PTPRN2: variants seen among roughly 807,000 people sequenced by gnomAD.
PTPRN2 encodes protein tyrosine phosphatase receptor type N2.
A neutral mutation model predicts 118.8 loss-of-function variants in PTPRN2; 74 were observed. That is an observed-to-expected ratio of 0.62 (90% confidence interval 0.52 to 0.76). The LOEUF (loss-of-function observed/expected upper bound fraction) is 0.76. Among genes scored for constraint, PTPRN2 ranks in the 30% least tolerant of loss-of-function variants. The pLI is 0.00. For missense variants in PTPRN2, 1,481 were observed against 1,394.4 expected, an observed-to-expected ratio of 1.06 and a Z score of -0.99; for synonymous variants, 641 against 608.0, an observed-to-expected ratio of 1.05 and a Z score of -0.80.
intron 2 of PTPRN2, among the ~76,000 whole-genome samples, chr7:158,455,727 A>T (rs1162848292): frequency 6.8e-6 from 1 of 146,860 alleles, no homozygotes; most frequent in South Asian, 2.3e-4. Flanking sequence ...GCCATCGGCC[A>T]TGGCCACCCA....
intron 12 of PTPRN2, among the ~76,000 whole-genome samples, chr7:157,872,376 C>A (rs1811148041): frequency 7.2e-6 from 1 of 138,356 alleles, no homozygotes; most frequent in Non-Finnish European, 1.6e-5. Flanking sequence ...CCTCCCCCCA[C>A]ACACATACCC....
intron 2 of PTPRN2, among the ~76,000 whole-genome samples, chr7:158,359,679 A>G (rs1177782577): frequency 6.6e-6 from 1 of 152,238 alleles, no homozygotes; most frequent in African/African-American, 2.4e-5. Flanking sequence ...ACCCAGCCTC[A>G]GCACAGTAGC....
chr7:157,566,536 C>T (rs1799492622), intron 21 of PTPRN2, among the ~76,000 whole-genome samples: 1 of 152,222 alleles, frequency 6.6e-6, no homozygotes, highest in Admixed American at 6.5e-5. Flanking sequence ...GGGAATTTCA[C>T]ACCGCACACA....
chr7:157,762,900 C>T (rs188262600), intron 12 of PTPRN2, among the ~76,000 whole-genome samples: 21 of 152,366 alleles, frequency 1.4e-4, no homozygotes, highest in African/African-American at 5.0e-4. Flanking sequence ...CACAATCCAG[C>T]CCCGCCCCTG....
intron 21 of PTPRN2, among the ~76,000 whole-genome samples, chr7:157,567,658 T>C (rs1799555004): frequency 6.6e-6 from 1 of 151,990 alleles, no homozygotes; most frequent in Non-Finnish European, 1.5e-5. Context: ...ACTGGGCCAG[T>C]GATGGAGAAT....
At chr7:158,262,792 C>T (rs576163686) in intron 3 of PTPRN2, among the ~76,000 whole-genome samples, 216 of 149,974 alleles carry the variant, frequency 1.4e-3, no homozygotes, top group African/African-American at 4.9e-3. Flanking sequence ...TACACACATA[C>T]ACATTCACAC....
rs1396013208 is a variant in PTPRN2, at chr7:157,764,050, C to T, written c.1789-81113G>A. ...GAGGCTAGGAGAGGCCATGCACGCA[C>T]CCTCTAGGATGGCCGTAACTAAACA... On this transcript the variant is annotated intron_variant, in intron 12 of 22. Coordinates refer to ENST00000389418, the MANE Select transcript of PTPRN2 (RefSeq NM_002847.5). This position sits in a 1 kb window ranked among gnomAD's most constrained non-coding sequence, Gnocchi z 4.5. Among the ~76,000 whole-genome samples, 4 of 152,174 alleles carry T rather than the reference C, an allele frequency of 2.6e-5. No individual in the cohort carries two copies. Among genetic ancestry groups the T allele is most frequent in the Non-Finnish European group, 5.9e-5 (4 of 68,032 alleles).
intron 14 of PTPRN2, among the ~76,000 whole-genome samples, chr7:157,645,769 C>T (rs902494940): frequency 6.6e-6 from 1 of 152,130 alleles, no homozygotes; most frequent in Non-Finnish European, 1.5e-5. Context: ...CCCAGAGTCC[C>T]GGTGTGGGTG....
intron 2 of PTPRN2, among the ~76,000 whole-genome samples, chr7:158,477,854 G>A (rs556896396): frequency 1.8e-4 from 28 of 152,310 alleles, no homozygotes; most frequent in Admixed American, 8.5e-4. Context: ...GCCAAGCCAC[G>A]GCCAGGTTGC....
intron 11 of PTPRN2, among the ~76,000 whole-genome samples, chr7:157,949,338 T>C (rs1800674845): frequency 1.3e-5 from 2 of 152,378 alleles, no homozygotes; most frequent in Admixed American, 6.5e-5. Context: ...TTTTATGCTA[T>C]GTTAATTTTA....
chr7:158,282,987 C>T (rs1799529284), intron 3 of PTPRN2, among the ~76,000 whole-genome samples: 1 of 152,014 alleles, frequency 6.6e-6, no homozygotes, highest in Admixed American at 6.6e-5. Flanking sequence ...GCTCGTCCCT[C>T]CTCATGCTCC....
intron 4 of PTPRN2, among the ~76,000 whole-genome samples, chr7:158,202,380 A>G (rs116368464): frequency 0.011 from 1,650 of 152,188 alleles, 33 homozygotes; most frequent in African/African-American, 0.036. Flanking sequence ...TGAGGAAGGC[A>G]CCGGCAGGAC....
At chr7:157,783,692 G>C (rs1803827364) in intron 12 of PTPRN2, among the ~76,000 whole-genome samples, 1 of 151,792 alleles carries the variant, frequency 6.6e-6, no homozygotes, top group Non-Finnish European at 1.5e-5. Context: ...CTGGCAGGAA[G>C]GCCTGTCCCA....
intron 2 of PTPRN2, among the ~76,000 whole-genome samples, chr7:158,333,852 ACCCGCAGACG>A (rs1805014794): frequency 1.3e-3 from 156 of 121,358 alleles, no homozygotes; most frequent in African/African-American, 4.5e-3. Context: ...TAGAGCTGAC[ACCCGCAGACG>A]TCACTCACAC....
chr7:158,292,011 A>T (rs1301941540), intron 3 of PTPRN2, among the ~76,000 whole-genome samples: 2 of 152,234 alleles, frequency 1.3e-5, no homozygotes, highest in African/African-American at 4.8e-5. Flanking sequence ...GAATTATTTC[A>T]AAGAATAAAA....
chr7:158,185,600 C>T (rs530494330), intron 5 of PTPRN2, among the ~76,000 whole-genome samples: 7 of 152,354 alleles, frequency 4.6e-5, no homozygotes, highest in Non-Finnish European at 7.3e-5. Context: ...CATAAAGTGT[C>T]TCTGTCATGA....
chr7:158,294,456 C>T (rs533291915), intron 3 of PTPRN2, among the ~76,000 whole-genome samples: 28 of 152,288 alleles, frequency 1.8e-4, no homozygotes, highest in Middle Eastern at 3.4e-3. Flanking sequence ...TTTACTCTGG[C>T]GTCAACTATT....
intron 11 of PTPRN2, among the ~76,000 whole-genome samples, chr7:157,942,504 C>G (rs1800208608): frequency 1.3e-5 from 2 of 152,116 alleles, no homozygotes; most frequent in South Asian, 4.1e-4. Flanking sequence ...GGGTAATACT[C>G]TTGGGAAGTA....
intron 2 of PTPRN2, among the ~76,000 whole-genome samples, chr7:158,408,517 C>T (rs964589036): frequency 2.0e-5 from 3 of 152,190 alleles, no homozygotes; most frequent in Admixed American, 6.5e-5. Context: ...ACTCATACTG[C>T]ATCTTCAGAG....
Sources: gnomAD v4.1 joint callset for allele counts (sites outside exome capture counted in the v4.1 genomes callset) on GRCh38, gnomAD v4.1.1 for gene constraint, Gnocchi (gnomAD v3.1) non-coding constraint, MANE v1.5 for transcripts, NCBI Gene and HGNC (gene_info 2026-07-23, HGNC 2026-07-21) for gene names.